The following LRRIQ3 variants were observed in gnomAD, a reference collection of about 807,000 sequenced individuals.
The protein encoded by LRRIQ3 is leucine-rich repeat and IQ domain-containing protein 3.
A neutral mutation model predicts 59.3 loss-of-function variants in LRRIQ3; 75 were observed. The observed-to-expected ratio is 1.26, with a 90% confidence interval of 1.05 to 1.53. The LOEUF (loss-of-function observed/expected upper bound fraction) is 1.53. Ranked by LOEUF, LRRIQ3 falls within the 40% of genes most tolerant of loss-of-function variation. The pLI is 0.00. For missense variants in LRRIQ3, 831 were observed against 710.0 expected, an observed-to-expected ratio of 1.17 and a Z score of -1.94; for synonymous variants, 250 against 231.3, an observed-to-expected ratio of 1.08 and a Z score of -0.73.
intron 6 of LRRIQ3, among the ~76,000 whole-genome samples, chr1:74,055,141 GCATACATACACATACACACACATA>G (rs1356816842): frequency 1.8e-4 from 25 of 139,852 alleles, no homozygotes; most frequent in Admixed American, 1.2e-3. Flanking sequence ...ACATACACAT[GCATACATACACATACACACACATA>G]CATACATATA....
intron 5 of LRRIQ3, among the ~76,000 whole-genome samples, chr1:74,076,495 G>A (rs1217707847): frequency 5.3e-5 from 8 of 152,012 alleles, no homozygotes; most frequent in Non-Finnish European, 1.0e-4. Flanking sequence ...ATTCATTTAA[G>A]AAGAAGAAAG....
chr1:74,041,557 A>G lies in LRRIQ3; in HGVS notation c.1374T>C (p.Asn458=), dbSNP rs369706785. 3.9e-5 allele frequency: 63 copies of G among 1,613,098 alleles called. No homozygotes were observed. In the African/African-American group the frequency reaches 7.5e-4, roughly 19 times the overall value. The change falls in exon 7 of 8, where the codon AAT becomes AAC. Residue 458 remains asparagine (N), a synonymous_variant. Coordinates refer to ENST00000354431, the MANE Select transcript of LRRIQ3 (RefSeq NM_001105659.2). ...VARERVRVAV[N]EHLNQKKYAT... ...CATATTTTTTCTGATTCAAATGTTCATTAACAGCTACTCTAACTCTTTCTC... is the reference window on the plus strand; with the variant it reads ...CATATTTTTTCTGATTCAAATGTTCGTTAACAGCTACTCTAACTCTTTCTC...
chr1:74,044,026 C>T (rs1046094681), intron 6 of LRRIQ3, among the ~76,000 whole-genome samples: 1 of 152,102 alleles, frequency 6.6e-6, no homozygotes, highest in Non-Finnish European at 1.5e-5. Context: ...AAAAAGAATT[C>T]ATATGTTTTA....
intron 4 of LRRIQ3, among the ~76,000 whole-genome samples, chr1:74,132,385 A>G (rs1224241479): frequency 6.6e-6 from 1 of 152,160 alleles, no homozygotes; most frequent in Non-Finnish European, 1.5e-5. Flanking sequence ...ATATGGAACC[A>G]AAAATGAGCC....
chr1:74,134,293 G>A (rs1180909482), intron 4 of LRRIQ3, among the ~76,000 whole-genome samples: 3 of 151,988 alleles, frequency 2.0e-5, no homozygotes, highest in Admixed American at 1.3e-4. Context: ...AATAAGAACA[G>A]TGGGGAGTTT....
intron 4 of LRRIQ3, among the ~76,000 whole-genome samples, chr1:74,125,611 T>C (rs1224264235): frequency 6.6e-6 from 1 of 151,870 alleles, no homozygotes; most frequent in African/African-American, 2.4e-5. Context: ...AAAATAATTA[T>C]ATAATTTTTG....
intron 1 of LRRIQ3, among the ~76,000 whole-genome samples, chr1:74,191,406 T>G (rs1434829181): frequency 6.6e-6 from 1 of 152,146 alleles, no homozygotes; most frequent in East Asian, 1.9e-4. Context: ...CTTATTTTTC[T>G]TATTCTTAGT....
intron 4 of LRRIQ3, among the ~76,000 whole-genome samples, chr1:74,117,959 T>C (rs1217924313): frequency 6.6e-6 from 1 of 151,426 alleles, no homozygotes; most frequent in Non-Finnish European, 1.5e-5. Context: ...TTAGAGAAAA[T>C]AGAAACCATA....
At chr1:74,068,269 G>A (rs978069222) in intron 6 of LRRIQ3, among the ~76,000 whole-genome samples, 7 of 152,012 alleles carry the variant, frequency 4.6e-5, no homozygotes, top group African/African-American at 1.7e-4. Context: ...CAACAGTTTA[G>A]TACAGTGAAG....
At chr1:74,089,239 A>G (rs999703395) in intron 5 of LRRIQ3, among the ~76,000 whole-genome samples, 2 of 152,106 alleles carry the variant, frequency 1.3e-5, no homozygotes, top group African/African-American at 4.8e-5. Context: ...CTGCTATGGA[A>G]AACTGTTCGG....
chr1:74,070,265 G>C (rs1654988511), intron 6 of LRRIQ3, among the ~76,000 whole-genome samples: 1 of 151,990 alleles, frequency 6.6e-6, no homozygotes, highest in Non-Finnish European at 1.5e-5. Context: ...AAAAAACGTG[G>C]TACATACACA....
intron 7 of LRRIQ3, among the ~76,000 whole-genome samples, chr1:74,032,332 A>G (rs1286417249): frequency 6.6e-6 from 1 of 151,994 alleles, no homozygotes; most frequent in African/African-American, 2.4e-5. Context: ...TTGGCTTACA[A>G]CAACCACCTT....
At chr1:74,180,656 C>T (rs1489768786) in intron 3 of LRRIQ3, 35 of 1,474,878 alleles carry the variant, frequency 2.4e-5, no homozygotes, top group Non-Finnish European at 2.9e-5. Context: ...CAAATCTCTG[C>T]ACTGTCTGTC....
intron 3 of LRRIQ3, among the ~76,000 whole-genome samples, chr1:74,178,192 A>T (rs1288102010): frequency 6.6e-6 from 1 of 151,896 alleles, no homozygotes; most frequent in African/African-American, 2.4e-5. Flanking sequence ...TTTGGAATCA[A>T]TCTTGCCAAT....
chr1:74,196,196 T>C (rs1651106365), intron 1 of LRRIQ3, among the ~76,000 whole-genome samples: 1 of 152,172 alleles, frequency 6.6e-6, no homozygotes, highest in Non-Finnish European at 1.5e-5. Flanking sequence ...TTCTGTATGA[T>C]ACCGTCCTAG....
intron 1 of LRRIQ3, among the ~76,000 whole-genome samples, chr1:74,187,927 C>A (rs908131839): frequency 6.6e-6 from 1 of 151,962 alleles, no homozygotes; most frequent in Non-Finnish European, 1.5e-5. Flanking sequence ...TGGGTATATA[C>A]CTAAAGCAAT....
intron 7 of LRRIQ3, among the ~76,000 whole-genome samples, chr1:74,030,062 A>T (rs1411783446): frequency 6.6e-6 from 1 of 152,080 alleles, no homozygotes; most frequent in Non-Finnish European, 1.5e-5. Flanking sequence ...CCAACTTACC[A>T]GGGATGTGAA....
rs112201874 is a variant in LRRIQ3 at position 74,162,485 on chromosome 1, T to C, written c.574-6619A>G. On this transcript the variant is annotated intron_variant, in intron 3 of 7. Coordinates refer to ENST00000354431, the MANE Select transcript of LRRIQ3 (RefSeq NM_001105659.2). The stretch of plus-strand genomic sequence containing the variant: ...TGCCTGAAATGAAACGGGCTATTAC[T>C]AATCCTGGAACGAAATAGAGTGAGA... 3.8e-3 allele frequency among the ~76,000 whole-genome samples: 579 copies of C among 151,914 alleles called. 4 individuals carry two copies. Among genetic ancestry groups the C allele is most frequent in the Non-Finnish European group, 6.3e-3 (427 of 67,770 alleles).
At chr1:74,139,214 G>A (rs1272175876) in intron 4 of LRRIQ3, among the ~76,000 whole-genome samples, 2 of 149,454 alleles carry the variant, frequency 1.3e-5, no homozygotes, top group Admixed American at 1.3e-4. Context: ...AAATATGATG[G>A]CTTTGGGGAA....
Sources: allele counts gnomAD v4.1 joint callset (sites outside exome capture counted in the v4.1 genomes callset), GRCh38; gene constraint gnomAD v4.1.1; transcripts MANE v1.5; gene names NCBI Gene and HGNC (gene_info 2026-07-23, HGNC 2026-07-21).